The following CELA1 variants were observed in gnomAD, a reference collection of about 807,000 sequenced individuals.
CELA1 encodes the protein chymotrypsin like elastase 1.
A neutral mutation model predicts 34.8 loss-of-function variants in CELA1; 28 were observed. That is an observed-to-expected ratio of 0.80 (90% CI 0.60 to 1.10). The LOEUF is 1.10. Ranked by LOEUF, CELA1 falls within the 50% of genes least tolerant of loss-of-function variation. CELA1 has a pLI of 0.00. For missense variants in CELA1, 288 were observed against 327.5 expected, an observed-to-expected ratio of 0.88 and a Z score of 0.93; for synonymous variants, 140 against 129.8, an observed-to-expected ratio of 1.08 and a Z score of -0.53.
chr12:51,335,568 A>G (rs569459312), intron 6 of CELA1, among the ~76,000 whole-genome samples: 23 of 151,370 alleles, frequency 1.5e-4, no homozygotes, highest in Admixed American at 1.4e-3. Flanking sequence ...TTCTTCTCTT[A>G]GAAGATCCAC....
intron 3 of CELA1, among the ~76,000 whole-genome samples, chr12:51,343,257 G>A (rs1201056637): frequency 2.6e-5 from 4 of 152,038 alleles, no homozygotes; most frequent in Non-Finnish European, 5.9e-5. Flanking sequence ...AGCATCACCT[G>A]GAAACTTGTT....
chr12:51,341,308 G>T lies in CELA1; in HGVS notation c.399C>A (p.Pro133=). 1 of 1,614,134 alleles carries T rather than the reference G, an allele frequency of 6.2e-7. No homozygotes were observed. The highest frequency in any genetic ancestry group is 2.2e-5 in the East Asian group (1 of 44,874). ...TGTTAGCCAGGATGGCTCCCTCCTG[G>T]GGCAGAACACCCAGCTGGACATAGC... ...LNSYVQLGVL[P]QEGAILANNS... is the part of the protein sequence containing the mutation. The change falls in exon 5 of 8, where the codon CCC becomes CCA. Residue 133 remains proline, a synonymous_variant. Transcript: ENST00000293636.
At chr12:51,337,883 C>T (rs1185244998) in intron 6 of CELA1, among the ~76,000 whole-genome samples, 1 of 150,584 alleles carries the variant, frequency 6.6e-6, no homozygotes. Flanking sequence ...TGAACTCCAG[C>T]CTGGGCAACA....
At chr12:51,340,129 C>A in intron 5 of CELA1, 124 bp from the exon 6 acceptor site, 1 of 798,240 alleles carries the variant, frequency 1.3e-6, no homozygotes, top group South Asian at 1.8e-5. Flanking sequence ...CCTTCTCTCT[C>A]CCTGTTGCAT....
rs144573599 is a variant in CELA1 at position 51,338,406 on chromosome 12, C to T, written c.609+1454G>A. 1.9e-3 allele frequency among the ~76,000 whole-genome samples: 283 copies of T among 152,110 alleles called. 1 individual carries two copies. Among genetic ancestry groups the T allele is most frequent in the African/African-American group, 6.5e-3 (268 of 41,484 alleles). On this transcript the variant is annotated intron_variant, in intron 6 of 7. Transcript: ENST00000293636. Reference sequence around the variant, plus strand: ...TAGATTCGGCTTGTGGACCTCCAGCCGCTGCTCTACTCTAGCCTTAGGGAA... The same window carrying T: ...TAGATTCGGCTTGTGGACCTCCAGCTGCTGCTCTACTCTAGCCTTAGGGAA...
intron 1 of CELA1, 101 bp from the exon 2 acceptor site, chr12:51,345,978 C>G: frequency 2.6e-6 from 2 of 776,402 alleles, no homozygotes; most frequent in South Asian, 1.8e-5. Context: ...TTAGCCTTGT[C>G]TGCAAATTCA....
intron 4 of CELA1, 42 bp from the exon 5 acceptor site, chr12:51,341,422 T>C: frequency 6.2e-7 from 1 of 1,611,186 alleles, no homozygotes; most frequent in Non-Finnish European, 8.5e-7. Context: ...GGATCAGCTC[T>C]TCCCTGAGGT....
At chr12:51,345,556 A>G (rs1432749836) in intron 2 of CELA1, among the ~76,000 whole-genome samples, 1 of 152,132 alleles carries the variant, frequency 6.6e-6, no homozygotes, top group Non-Finnish European at 1.5e-5. Flanking sequence ...ATATAAATGT[A>G]TCTTGTGTTT....
At chr12:51,339,805 G>T in intron 6 of CELA1, 55 bp downstream of exon 6, 1 of 1,577,048 alleles carries the variant, frequency 6.3e-7, no homozygotes, top group Non-Finnish European at 8.7e-7. Flanking sequence ...AAGAGGGGTG[G>T]AGGGATAGGC....
intron 6 of CELA1, among the ~76,000 whole-genome samples, chr12:51,331,769 G>A (rs1946471210): frequency 6.6e-6 from 1 of 152,208 alleles, no homozygotes; most frequent in Admixed American, 6.5e-5. Context: ...AAGAGAAGAT[G>A]ATATAGGTCA....
In CELA1 at chr12:51,345,390, G is replaced by A. The variant is rs577229861; in HGVS notation, c.99+405C>T. Among the ~76,000 whole-genome samples, 35 of 152,288 alleles carry A rather than the reference G, an allele frequency of 2.3e-4. No individual in the cohort carries two copies. In the South Asian group the frequency reaches 6.6e-3, roughly 29 times the overall value. On this transcript the variant is annotated intron_variant, in intron 2 of 7. Coordinates refer to ENST00000293636, the MANE Select transcript of CELA1 (RefSeq NM_001971.6). ...TAAATAGCCAACTAAGCAGCATGCT[G>A]TACGTGTGTGTGTGTGTGTGTGCGC... is the stretch of plus-strand genomic sequence containing the variant.
intron 6 of CELA1, among the ~76,000 whole-genome samples, chr12:51,332,838 A>G (rs1358482996): frequency 6.6e-6 from 1 of 152,132 alleles, no homozygotes; most frequent in Non-Finnish European, 1.5e-5. Flanking sequence ...CAGCCTGGGC[A>G]ACAGAGCAAG....
intron 6 of CELA1, 105 bp from the exon 7 acceptor site, chr12:51,329,938 C>A: frequency 1.8e-6 from 2 of 1,090,666 alleles, no homozygotes; most frequent in Non-Finnish European, 2.6e-6. Context: ...GGTTTTAAAG[C>A]TCCAATGCAA....
chr12:51,342,914 G>C lies in CELA1; in HGVS notation c.201-214C>G, dbSNP rs1026218393. Among the ~76,000 whole-genome samples the C allele has an allele frequency of 4.6e-5, 7 of 151,654 alleles. No homozygotes were observed. The East Asian group carries it at 1.4e-3, about 29-fold the overall frequency. On this transcript the variant is annotated intron_variant, in intron 3 of 7. Coordinates refer to ENST00000293636, the MANE Select transcript of CELA1 (RefSeq NM_001971.6). Reference sequence around the variant, plus strand: ...CCCACCGCAGCTTCCCTAGTAGCTGGGACTACAGGTGTGAGCCACCGTGCC... The same window carrying C: ...CCCACCGCAGCTTCCCTAGTAGCTGCGACTACAGGTGTGAGCCACCGTGCC...
Position 51,342,661 on chromosome 12 carries a change from C to T in CELA1, c.240G>A (p.Leu80=), listed in dbSNP as rs1207071269. 6.2e-7 allele frequency: 1 copy of T among 1,614,170 alleles called. No homozygotes were observed. The highest frequency in any genetic ancestry group is 8.5e-7 in the Non-Finnish European group (1 of 1,180,034). ...ACTGCTCAGTGCCATCATTCTGGCT[C>T]AGGTTATGGTCTCCAGCCACCACGC... ...TFRVVAGDHN[L]SQNDGTEQYV... is the part of the protein sequence containing the mutation. Residue 80 remains leucine (L), a synonymous_variant, in exon 4 of 8, where the codon CTG becomes CTA. Transcript: ENST00000293636.
At chr12:51,333,407 T>G (rs1399156856) in intron 6 of CELA1, among the ~76,000 whole-genome samples, 9 of 48,860 alleles carry the variant, frequency 1.8e-4, no homozygotes, top group East Asian at 2.1e-3. Context: ...TTTTTTTTGT[T>G]TTTTTTTTTT....
chr12:51,328,778 C>T (rs1946451257), intron 7 of CELA1, among the ~76,000 whole-genome samples, 184 bp from the exon 8 acceptor site: 1 of 152,114 alleles, frequency 6.6e-6, no homozygotes. Context: ...TAGGTACATA[C>T]CCAGAATACA....
At chr12:51,338,302 A>ACACACG (rs1483256940) in intron 6 of CELA1, among the ~76,000 whole-genome samples, 5 of 24,424 alleles carry the variant, frequency 2.0e-4, no homozygotes, top group Non-Finnish European at 3.2e-4. Flanking sequence ...ACATACGCAT[A>ACACACG]CATATATATA....
intron 6 of CELA1, among the ~76,000 whole-genome samples, chr12:51,332,057 T>A (rs2137475134): frequency 6.6e-6 from 1 of 152,102 alleles, no homozygotes; most frequent in East Asian, 1.9e-4. Flanking sequence ...TGGTGGCATG[T>A]GCCTGTAGTC....
Sources: allele counts gnomAD v4.1 joint callset (sites outside exome capture counted in the v4.1 genomes callset), GRCh38; gene constraint gnomAD v4.1.1; transcripts MANE v1.5; gene names NCBI Gene and HGNC (gene_info 2026-07-23, HGNC 2026-07-21).